GNB1L: variants seen among roughly 807,000 people sequenced by gnomAD.
GNB1L encodes the protein G protein subunit beta 1 like, also known as guanine nucleotide-binding protein subunit beta-like protein 1.
Under a neutral mutation model 29.1 loss-of-function variants are expected in GNB1L, and 20 were observed. The ratio of observed to expected loss-of-function variants is 0.69; its 90% confidence interval spans 0.48 to 1.00. The LOEUF (loss-of-function observed/expected upper bound fraction) is 1.00. GNB1L is among the 50% of genes least tolerant of loss of function. The pLI is 0.00. For synonymous variants in GNB1L, 193 were observed against 206.5 expected (o/e 0.93, Z 0.56); for missense variants, 421 against 464.9 (o/e 0.91, Z 0.87).
chr22:19,789,700 C>T (rs1937231295), intron 7 of GNB1L, among the ~76,000 whole-genome samples: 1 of 151,920 alleles, frequency 6.6e-6, no homozygotes, highest in South Asian at 2.1e-4. Context: ...AGCGTTGGGG[C>T]CAGGGGGTGG....
chr22:19,852,135 C>T, intron 2 of GNB1L: 3 of 1,614,186 alleles, frequency 1.9e-6, no homozygotes, highest in Non-Finnish European at 2.5e-6. Flanking sequence ...CAGGGATCCA[C>T]AAGGGGGGTG....
chr22:19,851,002 G>T, intron 2 of GNB1L: 5 of 1,416,504 alleles, frequency 3.5e-6, no homozygotes, highest in Non-Finnish European at 4.6e-6. Context: ...AGTTGGGGGA[G>T]CTGGTTCTGC....
chr22:19,852,007 G>C (rs1310142661), intron 2 of GNB1L: 2 of 1,614,048 alleles, frequency 1.2e-6, no homozygotes, highest in East Asian at 2.2e-5. Context: ...AGCTGGGCAT[G>C]TGCCCAGCTA....
chr22:19,851,811 G>A lies in GNB1L; in HGVS notation c.-21+2632C>T, dbSNP rs143994976. Reference sequence around the variant, plus strand: ...TCAAGGTAGGGGGCTGCCCAGGCCTGGGCTCGGCCTGTTAGGCGCCTGAGG... The same window carrying A: ...TCAAGGTAGGGGGCTGCCCAGGCCTAGGCTCGGCCTGTTAGGCGCCTGAGG... On this transcript the variant is annotated intron_variant, in intron 2 of 7. Coordinates refer to ENST00000329517, the MANE Select transcript of GNB1L (RefSeq NM_053004.3). 174 of 1,614,086 alleles carry A rather than the reference G, an allele frequency of 1.1e-4. No individual in the cohort carries two copies. The African/African-American group carries it at 1.9e-3, about 18-fold the overall frequency.
chr22:19,836,783 T>C (rs553990545), intron 2 of GNB1L, among the ~76,000 whole-genome samples: 1 of 152,276 alleles, frequency 6.6e-6, no homozygotes, highest in South Asian at 2.1e-4. Context: ...AATCATTCAA[T>C]GTAAACTCTC....
intron 2 of GNB1L, chr22:19,846,801 A>C (rs1937972197): frequency 3.3e-6 from 2 of 612,276 alleles, no homozygotes; most frequent in South Asian, 1.4e-4. Context: ...GCCTCAGGAG[A>C]AACCAACCCT....
At chr22:19,839,965 A>G (rs978963462) in intron 2 of GNB1L, among the ~76,000 whole-genome samples, 2 of 151,330 alleles carry the variant, frequency 1.3e-5, no homozygotes, top group African/African-American at 2.4e-5. Context: ...CAAGAGGTTG[A>G]GGTGGTAGGA....
At chr22:19,851,785 A>T in intron 2 of GNB1L, 1 of 1,613,666 alleles carries the variant, frequency 6.2e-7, no homozygotes. Context: ...GCAGGTCCCC[A>T]TCAAGGTAGG....
At position 19,812,451 on chromosome 22, in the gene GNB1L, CCAGA is replaced by C; in HGVS notation, c.255-8_255-5del. 1 of 1,609,764 alleles carries C rather than the reference CCAGA, an allele frequency of 6.2e-7. No individual in the cohort carries two copies. Among genetic ancestry groups the C allele is most frequent in the Non-Finnish European group, 8.5e-7 (1 of 1,177,686 alleles). On this transcript the variant is annotated splice_polypyrimidine_tract_variant and splice_region_variant and intron_variant, in intron 4 of 7. Transcript: ENST00000329517. ...CAGCTTCAGGTCCCGGCCCTGACTG[CCAGA>C]CAAAGAGGAGACAGGCCTGAGACTC...
At chr22:19,802,298 C>T in intron 6 of GNB1L, 82 bp from the exon 7 acceptor site, 1 of 1,087,172 alleles carries the variant, frequency 9.2e-7, no homozygotes, top group Non-Finnish European at 1.4e-6. Context: ...TCTGGAAATT[C>T]CTGCCCCTCC....
chr22:19,816,049 G>A lies in GNB1L; in HGVS notation c.255-3602C>T, dbSNP rs1937522447. ...TGTCAACACCGCATCCTGACCAAGG[G>A]TGAGCCCCGACAGCCCACAGCCATC... On this transcript the variant is annotated intron_variant, in intron 4 of 7. Coordinates refer to ENST00000329517, the MANE Select transcript of GNB1L (RefSeq NM_053004.3). This position sits in a 1 kb window ranked among gnomAD's most constrained non-coding sequence, Gnocchi z 4.4. 6.6e-6 allele frequency among the ~76,000 whole-genome samples: 1 copy of A among 152,182 alleles called. No homozygotes were observed. The highest frequency in any genetic ancestry group is 2.4e-5 in the African/African-American group (1 of 41,442).
intron 2 of GNB1L, among the ~76,000 whole-genome samples, chr22:19,841,313 T>C (rs888806864): frequency 5.3e-5 from 8 of 152,250 alleles, no homozygotes; most frequent in Non-Finnish European, 1.2e-4. Context: ...TGCTATTTTT[T>C]CTTGTGTTAC....
chr22:19,807,898 G>T (rs1937454472), intron 5 of GNB1L, among the ~76,000 whole-genome samples: 1 of 152,206 alleles, frequency 6.6e-6, no homozygotes. Context: ...GCATGCTATG[G>T]GTGTGCTGAG....
intron 5 of GNB1L, among the ~76,000 whole-genome samples, chr22:19,808,886 G>A (rs560410359): frequency 6.6e-6 from 1 of 152,302 alleles, no homozygotes; most frequent in African/African-American, 2.4e-5. Flanking sequence ...TCCCTTTGCT[G>A]TTTTCAGGAA....
chr22:19,799,819 A>T (rs1209066360), intron 7 of GNB1L, among the ~76,000 whole-genome samples: 1 of 152,182 alleles, frequency 6.6e-6, no homozygotes, highest in Non-Finnish European at 1.5e-5. Flanking sequence ...AAGCGCCCCC[A>T]CAGGCTTTCC....
At chr22:19,792,119 C>G (rs1937258728) in intron 7 of GNB1L, among the ~76,000 whole-genome samples, 1 of 152,156 alleles carries the variant, frequency 6.6e-6, no homozygotes, top group Non-Finnish European at 1.5e-5. Context: ...ACACAAACAG[C>G]AAATTAGTAG....
chr22:19,835,158 A>G lies in GNB1L; in HGVS notation c.-20-13783T>C, dbSNP rs73148935. ...GAAAGTAGAAATAGATAACTACATA[A>G]TTATAGGTGGAGACTTAAACTCCTC... is the stretch of plus-strand genomic sequence containing the variant. On this transcript the variant is annotated intron_variant, in intron 2 of 7. Coordinates refer to ENST00000329517, the MANE Select transcript of GNB1L (RefSeq NM_053004.3). Among the ~76,000 whole-genome samples the G allele has an allele frequency of 2.1e-3, 314 of 152,306 alleles. 1 individual carries two copies. The highest frequency in any genetic ancestry group is 3.5e-3 in the Non-Finnish European group (238 of 68,030).
chr22:19,805,636 G>A (rs1937424882), intron 6 of GNB1L, among the ~76,000 whole-genome samples: 1 of 152,194 alleles, frequency 6.6e-6, no homozygotes. Flanking sequence ...CAAAAAATTA[G>A]CCGGGCGTGG....
intron 2 of GNB1L, among the ~76,000 whole-genome samples, chr22:19,834,496 T>C (rs982985852): frequency 6.6e-6 from 1 of 152,222 alleles, no homozygotes; most frequent in Non-Finnish European, 1.5e-5. Context: ...TCAGTAAACA[T>C]GTATGATTGT....
Sources: gnomAD v4.1 joint callset for allele counts (sites outside exome capture counted in the v4.1 genomes callset) on GRCh38, gnomAD v4.1.1 for gene constraint, Gnocchi (gnomAD v3.1) non-coding constraint, MANE v1.5 for transcripts, NCBI Gene and HGNC (gene_info 2026-07-23, HGNC 2026-07-21) for gene names.